Variants in TNNI3K observed in about 807,000 individuals in gnomAD.
The protein encoded by TNNI3K is serine/threonine-protein kinase TNNI3K.
In TNNI3K, 140 loss-of-function variants were observed where a neutral mutation model predicts 114.5. The ratio of observed to expected loss-of-function variants is 1.22; its 90% CI spans 1.07 to 1.41. The LOEUF (loss-of-function observed/expected upper bound fraction) is 1.41, where lower values mean the gene tolerates loss of function less well. Ranked by LOEUF, TNNI3K falls within the 40% of genes most tolerant of loss-of-function variation. The pLI is 0.00. For synonymous variants in TNNI3K, 347 were observed against 347.5 expected (o/e 1.00, Z 0.02); for missense variants, 1,125 against 1,007.6 (o/e 1.12, Z -1.58).
Position 74,512,151 on chromosome 1 carries a change from G to A in TNNI3K, c.2351+19885G>A, listed in dbSNP as rs531383011. On this transcript the variant is annotated intron_variant, in intron 23 of 24. Transcript: ENST00000326637. ...ACCAGTCTTTATTGAAATAGCCCTG[G>A]GGCATGACTCGAACCTGTGAGGGAC... is the stretch of plus-strand genomic sequence containing the variant. Among the ~76,000 whole-genome samples the A allele has an allele frequency of 9.2e-5, 14 of 152,288 alleles. No homozygotes were observed. The South Asian group carries it at 1.9e-3, about 20-fold the overall frequency.
rs144355939 is a variant in TNNI3K, at chr1:74,392,247, G to A, written c.1772+21855G>A. Among the ~76,000 whole-genome samples the A allele has an allele frequency of 1.8e-4, 28 of 152,252 alleles. No homozygotes were observed. The East Asian group carries it at 3.7e-3, about 20-fold the overall frequency. ...TTGAAGGATGGGAGCTACTAGAGCC[G>A]GTGTCCATGATAAGGGAATAATCTG... On this transcript the variant is annotated intron_variant, in intron 17 of 24. Coordinates refer to ENST00000326637, the MANE Select transcript of TNNI3K (RefSeq NM_015978.3).
chr1:74,382,181 A>G (rs180700785), intron 17 of TNNI3K, among the ~76,000 whole-genome samples: 35 of 152,298 alleles, frequency 2.3e-4, no homozygotes, highest in Non-Finnish European at 2.8e-4. Context: ...TTTGATTCCC[A>G]AGAGACAATT....
At position 74,528,845 on chromosome 1, in the gene TNNI3K, A is replaced by C. The variant is rs544115261; in HGVS notation, c.2352-11389A>C. 4.6e-5 allele frequency among the ~76,000 whole-genome samples: 7 copies of C among 152,312 alleles called. No homozygotes were observed. The South Asian group carries it at 1.5e-3, about 32-fold the overall frequency. ...TCATTTCCAAATACTATTATTTACCAAAAGGAAACAAGGCACTTGAAGAAA... is the reference window on the plus strand; with the variant it reads ...TCATTTCCAAATACTATTATTTACCCAAAGGAAACAAGGCACTTGAAGAAA... On this transcript the variant is annotated intron_variant, in intron 23 of 24. Coordinates refer to ENST00000326637, the MANE Select transcript of TNNI3K (RefSeq NM_015978.3).
At chr1:74,509,238 A>C (rs1355473007) in intron 23 of TNNI3K, among the ~76,000 whole-genome samples, 1 of 152,188 alleles carries the variant, frequency 6.6e-6, no homozygotes, top group East Asian at 1.9e-4. Flanking sequence ...TTCCTCAGTC[A>C]AGTTGCCATT....
intron 23 of TNNI3K, among the ~76,000 whole-genome samples, chr1:74,519,571 C>T (rs1325487846): frequency 2.0e-5 from 3 of 151,998 alleles, no homozygotes; most frequent in Non-Finnish European, 4.4e-5. Flanking sequence ...TAATGATTGC[C>T]TTACTTTAAA....
intron 4 of TNNI3K, among the ~76,000 whole-genome samples, chr1:74,257,770 C>A (rs1378720699): frequency 1.4e-5 from 2 of 146,734 alleles, no homozygotes; most frequent in East Asian, 2.0e-4. Flanking sequence ...CCGGTTCAAG[C>A]CATTCTTCTG....
At chr1:74,495,160 A>G (rs889049384) in intron 23 of TNNI3K, among the ~76,000 whole-genome samples, 2 of 152,164 alleles carry the variant, frequency 1.3e-5, no homozygotes, top group Non-Finnish European at 2.9e-5. Flanking sequence ...ATAAGGGTGT[A>G]TCTGTCTGCT....
At chr1:74,304,945 TACGCTGGATTTGAG>T (rs1316158181) in intron 5 of TNNI3K, among the ~76,000 whole-genome samples, 4 of 152,226 alleles carry the variant, frequency 2.6e-5, no homozygotes, top group Non-Finnish European at 5.9e-5. Flanking sequence ...TAGGTATGCC[TACGCTGGATTTGAG>T]ACATGTATTT....
rs1344860495 is a variant in TNNI3K at position 74,463,437 on chromosome 1, G to T, written c.2012-4G>T. ...CAAAACTGACATGACCATTTGGTTT[G>T]CAGCGGCTGCGGCAGCAGACATGGC... On this transcript the variant is annotated splice_region_variant and splice_polypyrimidine_tract_variant and intron_variant, in intron 20 of 24. Transcript: ENST00000326637. 3 of 1,614,042 alleles carry T rather than the reference G, an allele frequency of 1.9e-6. No homozygotes were observed. In the Admixed American group the frequency reaches 5.0e-5, roughly 27 times the overall value.
intron 4 of TNNI3K, among the ~76,000 whole-genome samples, chr1:74,255,353 CAA>C (rs10716634): frequency 1.5e-3 from 150 of 100,998 alleles, no homozygotes; most frequent in Middle Eastern, 5.1e-3. Context: ...GACTCCGTCT[CAA>C]AAAAAAAAAA....
At chr1:74,445,610 T>G (rs1292304863) in intron 20 of TNNI3K, among the ~76,000 whole-genome samples, 3 of 135,890 alleles carry the variant, frequency 2.2e-5, no homozygotes, top group African/African-American at 8.8e-5. Flanking sequence ...TTTCTTTTTT[T>G]TCTTTTTTTC....
chr1:74,360,173 T>G (rs1661882600), intron 11 of TNNI3K, among the ~76,000 whole-genome samples: 1 of 151,948 alleles, frequency 6.6e-6, no homozygotes, highest in South Asian at 2.1e-4. Flanking sequence ...ACCTCATAAC[T>G]GCCCTTTTTT....
intron 21 of TNNI3K, among the ~76,000 whole-genome samples, chr1:74,485,528 C>T (rs1244886482): frequency 6.6e-6 from 1 of 152,072 alleles, no homozygotes; most frequent in Non-Finnish European, 1.5e-5. Flanking sequence ...ATTCCTGTCC[C>T]CTGGTGTACA....
intron 17 of TNNI3K, among the ~76,000 whole-genome samples, chr1:74,425,978 A>G (rs1665619674): frequency 6.8e-6 from 1 of 146,204 alleles, no homozygotes; most frequent in South Asian, 2.2e-4. Context: ...CAGCAACTGA[A>G]GAGACGCTGA....
chr1:74,276,132 A>G (rs1306190607), intron 5 of TNNI3K, among the ~76,000 whole-genome samples: 2 of 152,140 alleles, frequency 1.3e-5, no homozygotes, highest in Admixed American at 1.3e-4. Flanking sequence ...GGAAAAATCA[A>G]TTAGCTCCAC....
At chr1:74,271,912 A>G (rs1656376818) in intron 5 of TNNI3K, among the ~76,000 whole-genome samples, 2 of 151,898 alleles carry the variant, frequency 1.3e-5, no homozygotes, top group Non-Finnish European at 2.9e-5. Context: ...TTTAATCATC[A>G]ATTAACATAA....
chr1:74,236,244 A>G (rs1377697169), intron 2 of TNNI3K, 34 bp downstream of exon 2: 1 of 1,556,826 alleles, frequency 6.4e-7, no homozygotes, highest in East Asian at 2.3e-5. Context: ...TCTTTGTATA[A>G]GTGTCTTCAG....
intron 23 of TNNI3K, among the ~76,000 whole-genome samples, chr1:74,527,271 A>T (rs1557628669): frequency 6.6e-6 from 1 of 152,234 alleles, no homozygotes; most frequent in Non-Finnish European, 1.5e-5. Context: ...CAATGACCAC[A>T]AACTTTGTTA....
At chr1:74,332,321 G>A (rs1187920724) in intron 6 of TNNI3K, among the ~76,000 whole-genome samples, 1 of 148,946 alleles carries the variant, frequency 6.7e-6, no homozygotes, top group Non-Finnish European at 1.5e-5. Flanking sequence ...TTTTTTGTGA[G>A]ACGGAGTATT....
Sources: gnomAD v4.1 joint callset for allele counts (sites outside exome capture counted in the v4.1 genomes callset) on GRCh38, gnomAD v4.1.1 for gene constraint, MANE v1.5 for transcripts, NCBI Gene and HGNC (gene_info 2026-07-23, HGNC 2026-07-21) for gene names.